BRINP3: variants seen among roughly 807,000 people sequenced by gnomAD.
The protein encoded by BRINP3 is BMP/retinoic acid inducible neural specific 3, also known as BMP/retinoic acid-inducible neural-specific protein 3.
Under a neutral mutation model 71.0 loss-of-function variants are expected in BRINP3, and 19 were observed. The observed-to-expected ratio is 0.27, with a 90% CI of 0.19 to 0.39. The LOEUF is 0.39. Among genes scored for constraint, BRINP3 ranks in the 10% least tolerant of loss-of-function variants. BRINP3 has a pLI of 1.00. For missense variants in BRINP3, 959 were observed against 940.8 expected (o/e 1.02, Z -0.25); for synonymous variants, 380 against 337.7 (o/e 1.13, Z -1.37).
intron 1 of BRINP3, among the ~76,000 whole-genome samples, chr1:190,461,849 T>C (rs1364261117): frequency 1.3e-5 from 2 of 152,186 alleles, no homozygotes; most frequent in Non-Finnish European, 2.9e-5. Flanking sequence ...GAGGTAATGA[T>C]TTTTAAGACC....
chr1:190,322,027 T>C (rs1666279362), intron 2 of BRINP3, among the ~76,000 whole-genome samples: 2 of 151,862 alleles, frequency 1.3e-5, no homozygotes, highest in East Asian at 3.9e-4. Flanking sequence ...TATTTTTATA[T>C]ATGTGTGCAT....
intron 6 of BRINP3, among the ~76,000 whole-genome samples, chr1:190,204,325 T>C (rs703928): frequency 6.6e-6 from 1 of 151,498 alleles, no homozygotes. Flanking sequence ...ATAGAGTTGA[T>C]AGAAAAACGC....
At chr1:190,401,276 T>G (rs1302269619) in intron 2 of BRINP3, among the ~76,000 whole-genome samples, 1 of 149,156 alleles carries the variant, frequency 6.7e-6, no homozygotes, top group Non-Finnish European at 1.5e-5. Context: ...GAGAATCACT[T>G]GAACCCAGGA....
chr1:190,201,264 C>A (rs988431197), intron 6 of BRINP3, among the ~76,000 whole-genome samples: 8 of 152,138 alleles, frequency 5.3e-5, no homozygotes, highest in African/African-American at 1.9e-4. Flanking sequence ...TGGCATTTTG[C>A]CCCTGCCCTA....
chr1:190,232,054 CT>C (rs1658043744), intron 5 of BRINP3, among the ~76,000 whole-genome samples: 1 of 151,948 alleles, frequency 6.6e-6, no homozygotes, highest in African/African-American at 2.4e-5. Context: ...GCCAAACGCT[CT>C]GATTCTAAAA....
intron 2 of BRINP3, among the ~76,000 whole-genome samples, chr1:190,297,877 A>C (rs1423007519): frequency 3.9e-5 from 6 of 151,924 alleles, no homozygotes; most frequent in African/African-American, 1.5e-4. Flanking sequence ...GATTGAAAAA[A>C]AAATGAACTG....
chr1:190,199,771 G>GAAAAAAAAAAAAAA (rs35752025), intron 6 of BRINP3, among the ~76,000 whole-genome samples: 2 of 123,514 alleles, frequency 1.6e-5, no homozygotes, highest in Non-Finnish European at 1.7e-5. Flanking sequence ...CAAGGCATAG[G>GAAAAAAAAAAAAAA]AAAAAAAAAA....
intron 2 of BRINP3, among the ~76,000 whole-genome samples, chr1:190,317,663 T>C (rs556064192): frequency 2.6e-5 from 4 of 152,292 alleles, no homozygotes; most frequent in African/African-American, 9.6e-5. Flanking sequence ...AATGAACAAT[T>C]ATCATATTCC....
chr1:190,453,105 A>G (rs969511528), intron 2 of BRINP3, among the ~76,000 whole-genome samples: 1 of 151,834 alleles, frequency 6.6e-6, no homozygotes, highest in Non-Finnish European at 1.5e-5. Flanking sequence ...TCTGTGAGGA[A>G]AAACTGGCTA....
rs538506613 is a variant in BRINP3, at chr1:190,315,690, A to T, written c.237-33940T>A. ...TGAGGAACCAATCCAGAATTGATGG[A>T]CATAACTCTGCTAGATCCAAAGATC... On this transcript the variant is annotated intron_variant, in intron 2 of 7. Coordinates refer to ENST00000367462, the MANE Select transcript of BRINP3 (RefSeq NM_199051.3). Among the ~76,000 whole-genome samples the T allele has an allele frequency of 7.2e-5, 11 of 152,256 alleles. 1 individual carries two copies. The South Asian group carries it at 2.3e-3, about 32-fold the overall frequency.
At chr1:190,356,977 A>G (rs1668772639) in intron 2 of BRINP3, among the ~76,000 whole-genome samples, 1 of 152,060 alleles carries the variant, frequency 6.6e-6, no homozygotes, top group African/African-American at 2.4e-5. Flanking sequence ...GGTACTCTAC[A>G]GAGGGACAGA....
chr1:190,398,536 T>C (rs1004020425), intron 2 of BRINP3, among the ~76,000 whole-genome samples: 30 of 152,078 alleles, frequency 2.0e-4, no homozygotes, highest in Admixed American at 1.0e-3. Flanking sequence ...TGAATCTAGA[T>C]AGTATAATTT....
intron 2 of BRINP3, among the ~76,000 whole-genome samples, chr1:190,331,756 GT>G (rs1666978862): frequency 8.8e-6 from 1 of 114,282 alleles, no homozygotes; most frequent in Admixed American, 1.0e-4. Context: ...CAATGCATAG[GT>G]AAGAATTAAC....
intron 7 of BRINP3, among the ~76,000 whole-genome samples, chr1:190,102,589 A>G (rs1370680151): frequency 1.3e-5 from 2 of 152,050 alleles, no homozygotes; most frequent in African/African-American, 2.4e-5. Flanking sequence ...TTCAGTAAAC[A>G]TTCTAAATAA....
At chr1:190,164,783 G>C (rs1423987143) in intron 6 of BRINP3, among the ~76,000 whole-genome samples, 2 of 151,356 alleles carry the variant, frequency 1.3e-5, no homozygotes, top group Admixed American at 6.6e-5. Context: ...GTAGACATGG[G>C]GTCTTACCAT....
At chr1:190,454,332 A>AT (rs1175730622) in intron 2 of BRINP3, among the ~76,000 whole-genome samples, 2 of 152,180 alleles carry the variant, frequency 1.3e-5, no homozygotes, top group African/African-American at 2.4e-5. Context: ...AGGAAAAGCA[A>AT]TTTTTTAAAT....
chr1:190,398,337 C>A (rs368091154), intron 2 of BRINP3, among the ~76,000 whole-genome samples: 1 of 151,700 alleles, frequency 6.6e-6, no homozygotes, highest in Non-Finnish European at 1.5e-5. Context: ...AACAGGAAGC[C>A]GACTATATAT....
At chr1:190,157,447 T>C (rs2102446296) in intron 7 of BRINP3, among the ~76,000 whole-genome samples, 1 of 152,182 alleles carries the variant, frequency 6.6e-6, no homozygotes, top group East Asian at 1.9e-4. Context: ...ATTGTCCAAA[T>C]CTTCCCTGAG....
At chr1:190,468,002 C>A (rs1676874008) in intron 1 of BRINP3, among the ~76,000 whole-genome samples, 1 of 151,224 alleles carries the variant, frequency 6.6e-6, no homozygotes, top group Admixed American at 6.6e-5. Context: ...TTTTTAAAAT[C>A]ATCTTGTTTG....
Sources: allele counts gnomAD v4.1 joint callset (sites outside exome capture counted in the v4.1 genomes callset), GRCh38; gene constraint gnomAD v4.1.1; transcripts MANE v1.5; gene names NCBI Gene and HGNC (gene_info 2026-07-23, HGNC 2026-07-21).